The following GPHN variants were observed in gnomAD, a reference collection of about 807,000 sequenced individuals.
GPHN encodes gephyrin.
GPHN carries 17 observed loss-of-function variants against 95.5 expected under a neutral mutation model. The ratio of observed to expected loss-of-function variants is 0.18; its 90% CI spans 0.12 to 0.27. The LOEUF (loss-of-function observed/expected upper bound fraction) is 0.27, where lower values mean the gene tolerates loss of function less well. Ranked by LOEUF, GPHN falls within the 10% of genes least tolerant of loss-of-function variation. GPHN has a pLI of 1.00. For synonymous variants in GPHN, 320 were observed against 322.5 expected (o/e 0.99, Z 0.08); for missense variants, 660 against 978.1 (o/e 0.67, Z 4.34).
intron 1 of GPHN, among the ~76,000 whole-genome samples, chr14:66,654,227 C>A (rs2065195125): frequency 1.3e-5 from 2 of 151,978 alleles, no homozygotes; most frequent in African/African-American, 4.8e-5. Context: ...CTCAGTCTCC[C>A]AAGTAGCTGG....
At chr14:67,571,878 GGCA>G in the GPHN span, 1 of 1,612,000 alleles carries the variant, frequency 6.2e-7, no homozygotes, top group Admixed American at 1.7e-5. Context: ...CAGCGGACTA[GGCA>G]GCCCCCGGGC....
the GPHN span, among the ~76,000 whole-genome samples, chr14:67,212,930 A>G: frequency 6.6e-6 from 1 of 151,392 alleles, no homozygotes; most frequent in Non-Finnish European, 1.5e-5. Flanking sequence ...TTGGCTGTTC[A>G]AGCAAAGCAT....
At chr14:67,225,634 T>C in the GPHN span, among the ~76,000 whole-genome samples, 7 of 152,282 alleles carry the variant, frequency 4.6e-5, no homozygotes, top group Admixed American at 4.6e-4. Flanking sequence ...CATAGCAAAA[T>C]GATACAGATA....
intron 3 of GPHN, among the ~76,000 whole-genome samples, chr14:66,807,154 G>C (rs72728664): frequency 6.1e-3 from 934 of 152,320 alleles, no homozygotes; most frequent in Non-Finnish European, 9.7e-3. Flanking sequence ...GAGAGAGTTT[G>C]TGCAGGGAAG....
the GPHN span, chr14:67,470,370 C>G: frequency 6.6e-6 from 1 of 152,308 alleles, no homozygotes; most frequent in Admixed American, 6.5e-5. Context: ...ACAAACCGGT[C>G]GTGTGTCCTT....
At chr14:67,596,836 TA>T in the GPHN span, among the ~76,000 whole-genome samples, 1 of 152,252 alleles carries the variant, frequency 6.6e-6, no homozygotes, top group Non-Finnish European at 1.5e-5. Flanking sequence ...TCCTTGGCTA[TA>T]AATCTCCACT....
chr14:67,724,397 T>G, the GPHN span: 995 of 919,154 alleles, frequency 1.1e-3, 8 homozygotes, highest in South Asian at 3.6e-3. Flanking sequence ...ATAGAGTTTT[T>G]TTTTTTTTTT....
chr14:66,581,105 A>T (rs2061145904), intron 1 of GPHN, among the ~76,000 whole-genome samples: 1 of 151,742 alleles, frequency 6.6e-6, no homozygotes. Flanking sequence ...AGAAACTTTA[A>T]CATTTTTTAT....
intron 2 of GPHN, among the ~76,000 whole-genome samples, chr14:66,765,531 G>C (rs555291620): frequency 1.3e-5 from 2 of 152,148 alleles, no homozygotes; most frequent in African/African-American, 2.4e-5. Context: ...ACCAAATGCC[G>C]TATGTTCTCA....
At chr14:67,635,088 A>T in the GPHN span, among the ~76,000 whole-genome samples, 4,657 of 152,188 alleles carry the variant, frequency 0.031, 216 homozygotes, top group African/African-American at 0.1. Flanking sequence ...CTACAAAAAA[A>T]TATAAATTAG....
the GPHN span, among the ~76,000 whole-genome samples, chr14:67,355,449 CAAAAAAAAAAAA>C: frequency 2.1e-3 from 40 of 18,958 alleles, no homozygotes; most frequent in Admixed American, 0.011. Flanking sequence ...GACCCTGTCT[CAAAAAAAAAAAA>C]AAAAAAAAAA....
intron 1 of GPHN, among the ~76,000 whole-genome samples, chr14:66,627,557 A>T (rs1311914396): frequency 2.0e-5 from 3 of 152,040 alleles, no homozygotes; most frequent in African/African-American, 7.2e-5. Context: ...AATTTCCTTG[A>T]GGTATGTATC....
intron 11 of GPHN, among the ~76,000 whole-genome samples, chr14:67,068,860 C>T (rs2076172101): frequency 6.6e-6 from 1 of 152,106 alleles, no homozygotes; most frequent in African/African-American, 2.4e-5. Flanking sequence ...AGTTAGCTGC[C>T]TGAGCATAGG....
chr14:67,729,248 G>C, the GPHN span: 3 of 1,609,998 alleles, frequency 1.9e-6, no homozygotes, highest in Non-Finnish European at 2.5e-6. Context: ...GAGCTGGTCC[G>C]GCACTCCTCC....
the GPHN span, among the ~76,000 whole-genome samples, chr14:67,626,977 T>A: frequency 6.6e-6 from 1 of 152,102 alleles, no homozygotes; most frequent in Admixed American, 6.5e-5. Flanking sequence ...GAAGGCCACA[T>A]GTTATATGAT....
At chr14:66,579,945 C>G (rs1392546393) in intron 1 of GPHN, among the ~76,000 whole-genome samples, 1 of 151,814 alleles carries the variant, frequency 6.6e-6, no homozygotes, top group African/African-American at 2.4e-5. Context: ...ATATGCTAAA[C>G]ATTCTCCAGG....
At chr14:67,356,202 T>G in the GPHN span, among the ~76,000 whole-genome samples, 655 of 152,106 alleles carry the variant, frequency 4.3e-3, 6 homozygotes, top group African/African-American at 0.015. Flanking sequence ...GGTGGATAAC[T>G]TGAGGTCAGG....
At chr14:67,265,496 A>G in the GPHN span, among the ~76,000 whole-genome samples, 1 of 152,172 alleles carries the variant, frequency 6.6e-6, no homozygotes, top group African/African-American at 2.4e-5. Flanking sequence ...TTGAGGCTAC[A>G]GTGAGCTGTG....
chr14:67,032,255 A>G (rs1344908764), intron 10 of GPHN, among the ~76,000 whole-genome samples: 1 of 152,092 alleles, frequency 6.6e-6, no homozygotes, highest in Non-Finnish European at 1.5e-5. Flanking sequence ...CTTCTATCTC[A>G]CTGCATTGAT....
Sources: gnomAD v4.1 joint callset for allele counts (sites outside exome capture counted in the v4.1 genomes callset) on GRCh38, gnomAD v4.1.1 for gene constraint, MANE v1.5 for transcripts, NCBI Gene and HGNC (gene_info 2026-07-23, HGNC 2026-07-21) for gene names.